The following PDCD1LG2 variants were observed in gnomAD, a reference collection of about 807,000 sequenced individuals.
PDCD1LG2 encodes B7 dendritic cell molecule.
PDCD1LG2 carries 32 observed loss-of-function variants against 28.2 expected under a neutral mutation model. That is an observed-to-expected ratio of 1.13 (90% confidence interval 0.86 to 1.52). The LOEUF is 1.52. Ranked by LOEUF, PDCD1LG2 falls within the 40% of genes most tolerant of loss-of-function variation. PDCD1LG2 has a pLI of 0.00. For synonymous variants in PDCD1LG2, 116 were observed against 120.2 expected (o/e 0.97, Z 0.23); for missense variants, 385 against 323.8 (o/e 1.19, Z -1.45).
intron 1 of PDCD1LG2, among the ~76,000 whole-genome samples, chr9:5,513,154 C>T (rs191852081): frequency 4.6e-5 from 7 of 152,360 alleles, no homozygotes; most frequent in Admixed American, 2.0e-4. Flanking sequence ...CACTATTTCC[C>T]GATTGGCAGC....
chr9:5,514,174 T>C (rs996095581), intron 1 of PDCD1LG2, among the ~76,000 whole-genome samples: 12 of 152,254 alleles, frequency 7.9e-5, no homozygotes, highest in African/African-American at 2.9e-4. Context: ...AGAATGTCTA[T>C]GCCTCACTTA....
chr9:5,562,009 G>C (rs940049251), intron 5 of PDCD1LG2, among the ~76,000 whole-genome samples: 1 of 152,120 alleles, frequency 6.6e-6, no homozygotes, highest in African/African-American at 2.4e-5. Flanking sequence ...GCTGAATAGA[G>C]ACCTCCAAAT....
At chr9:5,529,072 A>C (rs1297766608) in intron 2 of PDCD1LG2, among the ~76,000 whole-genome samples, 3 of 152,212 alleles carry the variant, frequency 2.0e-5, no homozygotes, top group Non-Finnish European at 2.9e-5. Context: ...TCAGATATTG[A>C]TTTTCAAATA....
intron 3 of PDCD1LG2, among the ~76,000 whole-genome samples, chr9:5,536,273 A>G (rs1188366397): frequency 6.6e-6 from 1 of 152,232 alleles, no homozygotes; most frequent in African/African-American, 2.4e-5. Flanking sequence ...ACATTGAGAG[A>G]GATAATGAAC....
chr9:5,512,297 C>G (rs1030994871), intron 1 of PDCD1LG2, among the ~76,000 whole-genome samples: 3 of 152,216 alleles, frequency 2.0e-5, no homozygotes, highest in African/African-American at 7.2e-5. Flanking sequence ...CAAATCAACT[C>G]ACAGAATTCC....
chr9:5,550,021 T>C (rs1043613198), intron 4 of PDCD1LG2, among the ~76,000 whole-genome samples: 2 of 152,226 alleles, frequency 1.3e-5, no homozygotes, highest in South Asian at 2.1e-4. Flanking sequence ...TTGTATTCCA[T>C]AAAAGTCAAC....
At chr9:5,525,142 G>C (rs1460697900) in intron 2 of PDCD1LG2, among the ~76,000 whole-genome samples, 1 of 152,162 alleles carries the variant, frequency 6.6e-6, no homozygotes, top group Non-Finnish European at 1.5e-5. Flanking sequence ...CAGGTCAGGA[G>C]TTCGAGACCA....
chr9:5,513,671 G>T lies in PDCD1LG2; in HGVS notation c.-15+2868G>T, dbSNP rs78838519. On this transcript the variant is annotated intron_variant, in intron 1 of 6. Transcript: ENST00000397747. ...AAATTGAGTAGAATAGCATCTTAAG[G>T]CTACTGGTAGTCTATCTATGCCACA... 3.3e-4 allele frequency among the ~76,000 whole-genome samples: 51 copies of T among 152,252 alleles called. No individual in the cohort carries two copies. The East Asian group carries it at 9.1e-3, about 27-fold the overall frequency.
intron 4 of PDCD1LG2, among the ~76,000 whole-genome samples, chr9:5,550,814 C>G (rs1816315855): frequency 6.6e-6 from 1 of 152,174 alleles, no homozygotes; most frequent in Non-Finnish European, 1.5e-5. Context: ...CTGTCTCAGC[C>G]TCCTGAGTAG....
chr9:5,534,573 C>T (rs1210178235), intron 2 of PDCD1LG2, among the ~76,000 whole-genome samples, 172 bp from the exon 3 acceptor site: 3 of 152,284 alleles, frequency 2.0e-5, no homozygotes, highest in East Asian at 1.9e-4. Context: ...AAGAATCCCA[C>T]TCTTGCCCAG....
chr9:5,567,766 G>C (rs1276849269), intron 6 of PDCD1LG2, among the ~76,000 whole-genome samples: 1 of 152,204 alleles, frequency 6.6e-6, no homozygotes, highest in East Asian at 1.9e-4. Context: ...GACCCTGTCA[G>C]TTAGGCCATG....
chr9:5,538,050 T>A (rs994324855), intron 3 of PDCD1LG2, among the ~76,000 whole-genome samples: 1 of 152,204 alleles, frequency 6.6e-6, no homozygotes. Flanking sequence ...TAAAATTCTG[T>A]AGGGAAGGTG....
At chr9:5,539,756 C>T (rs567578522) in intron 3 of PDCD1LG2, among the ~76,000 whole-genome samples, 5 of 152,286 alleles carry the variant, frequency 3.3e-5, no homozygotes, top group African/African-American at 1.2e-4. Flanking sequence ...AAAACAAGAA[C>T]ACCAAGAGCC....
chr9:5,545,775 G>A (rs954134939), intron 3 of PDCD1LG2, among the ~76,000 whole-genome samples: 7 of 152,134 alleles, frequency 4.6e-5, no homozygotes, highest in African/African-American at 1.7e-4. Flanking sequence ...TGACCTAATA[G>A]ACATATGATA....
intron 3 of PDCD1LG2, among the ~76,000 whole-genome samples, chr9:5,541,407 G>C (rs1176743031): frequency 1.3e-5 from 2 of 152,200 alleles, no homozygotes; most frequent in Non-Finnish European, 2.9e-5. Context: ...TAAAGAGGAA[G>C]TCAAACTGTT....
intron 3 of PDCD1LG2, among the ~76,000 whole-genome samples, chr9:5,543,635 A>G (rs951642916): frequency 1.4e-4 from 22 of 152,102 alleles, no homozygotes; most frequent in Admixed American, 3.3e-4. Context: ...GCAGCAGTGA[A>G]AAGACAACTG....
intron 4 of PDCD1LG2, among the ~76,000 whole-genome samples, chr9:5,553,329 G>T (rs1052923456): frequency 6.6e-6 from 1 of 152,140 alleles, no homozygotes; most frequent in African/African-American, 2.4e-5. Flanking sequence ...TAAAGCTAAA[G>T]CCTCTAAAGA....
chr9:5,530,637 T>G (rs899237619), intron 2 of PDCD1LG2, among the ~76,000 whole-genome samples: 1 of 152,206 alleles, frequency 6.6e-6, no homozygotes, highest in East Asian at 1.9e-4. Context: ...CTTGGGCAAG[T>G]TGCATCACTT....
chr9:5,512,436 C>T (rs939463551), intron 1 of PDCD1LG2, among the ~76,000 whole-genome samples: 2 of 152,182 alleles, frequency 1.3e-5, no homozygotes, highest in African/African-American at 4.8e-5. Flanking sequence ...TGAACTGCCC[C>T]TGCTTTGAGG....
Sources: allele counts gnomAD v4.1 joint callset (sites outside exome capture counted in the v4.1 genomes callset), GRCh38; gene constraint gnomAD v4.1.1; transcripts MANE v1.5; gene names NCBI Gene and HGNC (gene_info 2026-07-23, HGNC 2026-07-21).